Variants in GUCY1A1 observed in about 807,000 individuals in gnomAD.
GUCY1A1 encodes the protein guanylate cyclase 1 soluble subunit alpha 1.
In GUCY1A1, 48 loss-of-function variants were observed where a neutral mutation model predicts 64.5. That is an observed-to-expected ratio of 0.74 (90% CI 0.59 to 0.95). The LOEUF is 0.95. GUCY1A1 is among the 40% of genes least tolerant of loss of function. The pLI is 0.00. For synonymous variants in GUCY1A1, 308 were observed against 303.4 expected, an observed-to-expected ratio of 1.02 and a Z score of -0.16; for missense variants, 804 against 825.3, an observed-to-expected ratio of 0.97 and a Z score of 0.32.
Position 155,733,757 on chromosome 4 carries a change from G to A in GUCY1A1, c.*3526G>A, listed in dbSNP as rs968243322. On this transcript the variant is annotated 3_prime_UTR_variant, in exon 10 of 10. Coordinates refer to ENST00000506455, the MANE Select transcript of GUCY1A1 (RefSeq NM_001130682.3). ...GTTTTAAAGCTACTAGATAAGAGAA[G>A]CATCAAGTCTTAAAGGAAGAGAATG... 2.7e-4 allele frequency among the ~76,000 whole-genome samples: 41 copies of A among 151,266 alleles called. No homozygotes were observed. Among genetic ancestry groups the A allele is most frequent in the African/African-American group, 1.0e-3 (41 of 41,196 alleles).
chr4:155,702,999 A>G (rs1233003483), intron 3 of GUCY1A1, among the ~76,000 whole-genome samples: 1 of 151,050 alleles, frequency 6.6e-6, no homozygotes, highest in African/African-American at 2.4e-5. Flanking sequence ...CTCTATATAT[A>G]CACACATATA....
intron 2 of GUCY1A1, among the ~76,000 whole-genome samples, chr4:155,688,614 C>G (rs1729324244): frequency 1.3e-5 from 2 of 152,068 alleles, no homozygotes. Flanking sequence ...ACCTTATATG[C>G]AAATTTAAAT....
chr4:155,734,573 G>T lies in GUCY1A1; in HGVS notation c.*4342G>T, dbSNP rs879622895. On this transcript the variant is annotated 3_prime_UTR_variant, in exon 10 of 10. Coordinates refer to ENST00000506455, the MANE Select transcript of GUCY1A1 (RefSeq NM_001130682.3). ...ATGCAATTTCACTCTTTAGGTGGTT[G>T]TACTTGGACAGTTAAATGAAGACTG... 2 of 151,862 alleles carry T rather than the reference G, an allele frequency of 1.3e-5. No homozygotes were observed. Among genetic ancestry groups the T allele is most frequent in the Admixed American group, 6.6e-5 (1 of 15,224 alleles). 9.4% of individuals were successfully genotyped at this position (151,862 alleles called of 1,614,324 possible). A position where few individuals can be genotyped will look rare whatever the true frequency, so the allele number is the denominator to read the frequency against.
chr4:155,680,481 T>TG (rs1735576101), intron 2 of GUCY1A1, among the ~76,000 whole-genome samples: 1 of 151,770 alleles, frequency 6.6e-6, no homozygotes, highest in South Asian at 2.1e-4. Flanking sequence ...TGTGTGTGTG[T>TG]GTGCACATGC....
chr4:155,692,972 T>C (rs932662195), intron 2 of GUCY1A1, among the ~76,000 whole-genome samples: 5 of 152,112 alleles, frequency 3.3e-5, no homozygotes, highest in African/African-American at 1.2e-4. Context: ...GGCAGAAGAA[T>C]TGCTTGAGCC....
chr4:155,671,868 A>G (rs1578988506), intron 2 of GUCY1A1, among the ~76,000 whole-genome samples: 1 of 152,060 alleles, frequency 6.6e-6, no homozygotes, highest in Non-Finnish European at 1.5e-5. Context: ...TCTCATTGTT[A>G]CCAGGGCTTT....
intron 9 of GUCY1A1, among the ~76,000 whole-genome samples, chr4:155,726,989 C>A (rs139185859): frequency 6.6e-6 from 1 of 151,886 alleles, no homozygotes; most frequent in African/African-American, 2.4e-5. Context: ...GGTAAACAGG[C>A]CTAGAATCTC....
Position 155,708,295 on chromosome 4 carries a change from GT to G in GUCY1A1, c.376+2del. On this transcript the variant is annotated splice_donor_variant, in intron 5 of 9. Coordinates refer to ENST00000506455, the MANE Select transcript of GUCY1A1 (RefSeq NM_001130682.3). LOFTEE classifies it high-confidence loss of function. The stretch of plus-strand genomic sequence containing the variant: ...ATTGCAGAGCAAGCAGTTGCAGCAG[GT>G]AATAGAATTGTTTATGTAATTAGAA... 6.6e-7 allele frequency: 1 copy of G among 1,505,666 alleles called. No homozygotes were observed. Among genetic ancestry groups the G allele is most frequent in the South Asian group, 1.1e-5 (1 of 88,334 alleles). The allele number at this position is 1,505,666 out of a possible 1,614,324, so 93.3% of individuals were successfully genotyped here. A position where few individuals can be genotyped will look rare whatever the true frequency, so the allele number is the denominator to read the frequency against.
intron 2 of GUCY1A1, among the ~76,000 whole-genome samples, chr4:155,688,570 G>T (rs1729318748): frequency 6.6e-6 from 1 of 152,118 alleles, no homozygotes; most frequent in Non-Finnish European, 1.5e-5. Flanking sequence ...TGATCTTGTT[G>T]AGTGTTTCTT....
At chr4:155,693,107 G>A (rs1435313492) in intron 2 of GUCY1A1, among the ~76,000 whole-genome samples, 1 of 151,978 alleles carries the variant, frequency 6.6e-6, no homozygotes, top group African/African-American at 2.4e-5. Flanking sequence ...AAATTCTAGA[G>A]TTTAAATGAT....
rs1453285528 is a variant in GUCY1A1, at chr4:155,735,051, A to G, written c.*4820A>G. On this transcript the variant is annotated 3_prime_UTR_variant, in exon 10 of 10. Coordinates refer to ENST00000506455, the MANE Select transcript of GUCY1A1 (RefSeq NM_001130682.3). ...CTCCTCTTTAAATGTTTCTTTTATT[A>G]TATTGATGATGTGCACTCATTCAGT... 4 of 151,872 alleles carry G rather than the reference A, an allele frequency of 2.6e-5. No individual in the cohort carries two copies. The highest frequency in any genetic ancestry group is 9.7e-5 in the African/African-American group (4 of 41,370). 9.4% of individuals were successfully genotyped at this position (151,872 alleles called of 1,614,324 possible).
intron 1 of GUCY1A1, 84 bp from the exon 2 acceptor site, chr4:155,667,262 G>C (rs1023993134): frequency 6.6e-6 from 1 of 152,144 alleles, no homozygotes; most frequent in Non-Finnish European, 1.5e-5. Flanking sequence ...CACTCGCGCG[G>C]GGACCGACAG....
chr4:155,673,327 G>C (rs1210969823), intron 2 of GUCY1A1, among the ~76,000 whole-genome samples: 2 of 151,500 alleles, frequency 1.3e-5, no homozygotes, highest in Admixed American at 6.6e-5. Context: ...GGAATTTAAA[G>C]TCTGCATGAA....
At chr4:155,692,065 G>C (rs1327658035) in intron 2 of GUCY1A1, among the ~76,000 whole-genome samples, 1 of 152,098 alleles carries the variant, frequency 6.6e-6, no homozygotes, top group Non-Finnish European at 1.5e-5. Context: ...CTGTTCCTGG[G>C]TTAGTTTGCC....
intron 2 of GUCY1A1, among the ~76,000 whole-genome samples, chr4:155,673,687 G>C (rs1361116751): frequency 1.3e-5 from 2 of 151,334 alleles, no homozygotes; most frequent in African/African-American, 2.5e-5. Flanking sequence ...TGGCGGAACG[G>C]GTAATGCTGA....
At chr4:155,680,158 ATAT>A (rs1735529724) in intron 2 of GUCY1A1, among the ~76,000 whole-genome samples, 1 of 152,186 alleles carries the variant, frequency 6.6e-6, no homozygotes, top group Non-Finnish European at 1.5e-5. Context: ...TACCTTAACA[ATAT>A]TATACATGGT....
At chr4:155,727,534 C>T (rs889922810) in intron 9 of GUCY1A1, among the ~76,000 whole-genome samples, 4 of 151,268 alleles carry the variant, frequency 2.6e-5, no homozygotes, top group Admixed American at 1.3e-4. Flanking sequence ...TTGTCATTAC[C>T]GTATTTAGTA....
chr4:155,718,398 A>G (rs1733538005), intron 8 of GUCY1A1, among the ~76,000 whole-genome samples: 1 of 152,176 alleles, frequency 6.6e-6, no homozygotes, highest in African/African-American at 2.4e-5. Context: ...TTTCTGTGCA[A>G]CATACTTTTC....
At chr4:155,703,671 C>G (rs892126448) in intron 3 of GUCY1A1, among the ~76,000 whole-genome samples, 1 of 152,158 alleles carries the variant, frequency 6.6e-6, no homozygotes, top group Non-Finnish European at 1.5e-5. Context: ...AGTGAGACCA[C>G]CACCAAAGGC....
Sources: gnomAD v4.1 joint callset for allele counts (sites outside exome capture counted in the v4.1 genomes callset) on GRCh38, gnomAD v4.1.1 for gene constraint, MANE v1.5 for transcripts, NCBI Gene and HGNC (gene_info 2026-07-23, HGNC 2026-07-21) for gene names.